Variants in ETNK1 observed in about 807,000 individuals in gnomAD.
ETNK1 encodes the protein ethanolamine kinase 1, also known as putative protein product of Nbla10396.
ETNK1 carries 8 observed loss-of-function variants against 45.1 expected under a neutral mutation model. The ratio of observed to expected loss-of-function variants is 0.18; its 90% CI spans 0.10 to 0.32. ETNK1 has a LOEUF of 0.32. Ranked by LOEUF, ETNK1 falls within the 10% of genes least tolerant of loss-of-function variation. The pLI, the probability that ETNK1 is intolerant of heterozygous loss-of-function variation, is 1.00. For synonymous variants in ETNK1, 152 were observed against 151.9 expected (o/e 1.00, Z -0.01); for missense variants, 302 against 430.6 (o/e 0.70, Z 2.64).
intron 2 of ETNK1, among the ~76,000 whole-genome samples, chr12:22,646,724 C>T (rs988320094): frequency 3.3e-5 from 5 of 151,772 alleles, no homozygotes; most frequent in Non-Finnish European, 5.9e-5. Flanking sequence ...TCAACCATAG[C>T]TGTATGCTTA....
chr12:22,674,349 A>G (rs1402705894), intron 6 of ETNK1, among the ~76,000 whole-genome samples: 1 of 152,202 alleles, frequency 6.6e-6, no homozygotes, highest in Non-Finnish European at 1.5e-5. Context: ...ATAATTTTGT[A>G]TAGTTGACAT....
chr12:22,685,195 A>C lies in ETNK1; in HGVS notation c.*241A>C, dbSNP rs1429365661. Reference sequence around the variant, plus strand: ...TGTTAAATCTGCAAAAGGTATAAAGATGTCAGTTTAATTTCTTTGATAATT... The same window carrying C: ...TGTTAAATCTGCAAAAGGTATAAAGCTGTCAGTTTAATTTCTTTGATAATT... On this transcript the variant is annotated 3_prime_UTR_variant, in exon 8 of 8. Transcript: ENST00000266517. 4 of 343,010 alleles carry C rather than the reference A, an allele frequency of 1.2e-5. No homozygotes were observed. The highest frequency in any genetic ancestry group is 8.9e-5 in the Admixed American group (2 of 22,548). The allele number at this position is 343,010 out of a possible 1,614,324, so 21.2% of individuals were successfully genotyped here.
intron 5 of ETNK1, among the ~76,000 whole-genome samples, chr12:22,672,851 G>A (rs552503589): frequency 8.5e-5 from 13 of 152,268 alleles, no homozygotes; most frequent in Middle Eastern, 3.4e-3. Flanking sequence ...TTCTAGGTTA[G>A]TATTTTCCAA....
At chr12:22,667,487 T>C (rs1954065133) in intron 4 of ETNK1, among the ~76,000 whole-genome samples, 2 of 152,146 alleles carry the variant, frequency 1.3e-5, no homozygotes, top group Admixed American at 1.3e-4. Context: ...GAACAGATAC[T>C]TACATTTAGA....
At chr12:22,671,135 G>T (rs898821639) in intron 4 of ETNK1, 137 bp from the exon 5 acceptor site, 1 of 710,998 alleles carries the variant, frequency 1.4e-6, no homozygotes, top group South Asian at 1.5e-5. Flanking sequence ...CCCTTACCCT[G>T]TATTGTCTCA....
In ETNK1 at chr12:22,652,708, TGTG is replaced by T. The variant is rs150746066; in HGVS notation, c.417-6304_417-6302del. 2.4e-3 allele frequency among the ~76,000 whole-genome samples: 365 copies of T among 152,312 alleles called. 12 individuals carry two copies. The East Asian group carries it at 0.061, about 25-fold the overall frequency. The stretch of plus-strand genomic sequence containing the variant: ...GGGGTTGTAATTTTTGTTGTTGAGT[TGTG>T]GGAGTTTGTTATATGTTCTGAATAT... On this transcript the variant is annotated intron_variant, in intron 2 of 7. Coordinates refer to ENST00000266517, the MANE Select transcript of ETNK1 (RefSeq NM_018638.5).
intron 6 of ETNK1, 45 bp from the exon 7 acceptor site, chr12:22,684,438 G>C: frequency 7.4e-7 from 1 of 1,355,768 alleles, no homozygotes; most frequent in Non-Finnish European, 1.0e-6. Flanking sequence ...GTTTTACAGA[G>C]AAATTCATTA....
chr12:22,685,478 A>G lies in ETNK1; in HGVS notation c.*524A>G, dbSNP rs548087781. 6.6e-6 allele frequency: 1 copy of G among 152,114 alleles called. No homozygotes were observed. The highest frequency in any genetic ancestry group is 1.9e-4 in the East Asian group (1 of 5,192). The allele number at this position is 152,114 out of a possible 1,614,324, so 9.4% of individuals were successfully genotyped here. On this transcript the variant is annotated 3_prime_UTR_variant, in exon 8 of 8. Transcript: ENST00000266517. The stretch of plus-strand genomic sequence containing the variant: ...CTGATGTAGATAATTTAGGATTTTC[A>G]TATAAAAATAGCTGTTTAGGAAGGT...
intron 1 of ETNK1, chr12:22,639,087 C>T (rs908658302): frequency 6.6e-6 from 1 of 152,064 alleles, no homozygotes; most frequent in Admixed American, 6.5e-5. Flanking sequence ...TTGTATGTTT[C>T]ATAAGCCTCT....
At chr12:22,633,065 A>G (rs1479889353) in intron 1 of ETNK1, among the ~76,000 whole-genome samples, 1 of 152,020 alleles carries the variant, frequency 6.6e-6, no homozygotes, top group Non-Finnish European at 1.5e-5. Flanking sequence ...TTTTTTGAAC[A>G]CGAATATCCA....
chr12:22,682,497 G>C (rs1221659601), intron 6 of ETNK1, among the ~76,000 whole-genome samples: 1 of 151,966 alleles, frequency 6.6e-6, no homozygotes, highest in Non-Finnish European at 1.5e-5. Context: ...CAGTTACCTA[G>C]GTGTTTTTCC....
intron 4 of ETNK1, among the ~76,000 whole-genome samples, chr12:22,667,722 A>G (rs1954067900): frequency 6.6e-6 from 1 of 152,202 alleles, no homozygotes; most frequent in South Asian, 2.1e-4. Context: ...TCAGGTTCTC[A>G]TATTGACTAT....
intron 1 of ETNK1, among the ~76,000 whole-genome samples, chr12:22,638,230 C>CT (rs1477308775): frequency 4.6e-5 from 7 of 150,886 alleles, no homozygotes. Context: ...TTTTTTCCCC[C>CT]TTTTTAACCT....
intron 6 of ETNK1, among the ~76,000 whole-genome samples, chr12:22,684,263 A>G (rs541895152): frequency 1.3e-5 from 2 of 152,130 alleles, no homozygotes; most frequent in African/African-American, 4.8e-5. Context: ...TCAAGTGATT[A>G]TAATTTACCA....
chr12:22,685,112 G>C lies in ETNK1; in HGVS notation c.*158G>C. Reference sequence around the variant, plus strand: ...AACAATCAAATCTATTTTTGAAATAGACTGAATGATGTCAAGAAATATACC... The same window carrying C: ...AACAATCAAATCTATTTTTGAAATACACTGAATGATGTCAAGAAATATACC... On this transcript the variant is annotated 3_prime_UTR_variant, in exon 8 of 8. Coordinates refer to ENST00000266517, the MANE Select transcript of ETNK1 (RefSeq NM_018638.5). The C allele has an allele frequency of 1.8e-6, 1 of 548,410 alleles. No individual in the cohort carries two copies. The highest frequency in any genetic ancestry group is 3.0e-5 in the East Asian group (1 of 33,280). 34.0% of individuals were successfully genotyped at this position (548,410 alleles called of 1,614,324 possible).
At chr12:22,629,017 A>G (rs533112294) in intron 1 of ETNK1, among the ~76,000 whole-genome samples, 17 of 152,208 alleles carry the variant, frequency 1.1e-4, no homozygotes, top group African/African-American at 3.9e-4. Context: ...TGGTCAAATC[A>G]TTAAACTTCC....
intron 2 of ETNK1, among the ~76,000 whole-genome samples, chr12:22,645,154 G>C (rs564671119): frequency 8.6e-5 from 13 of 151,870 alleles, no homozygotes; most frequent in African/African-American, 2.7e-4. Context: ...CTTTAGGCTT[G>C]CATGTATTTA....
chr12:22,669,889 T>A (rs1954090693), intron 4 of ETNK1, among the ~76,000 whole-genome samples: 1 of 152,116 alleles, frequency 6.6e-6, no homozygotes, highest in Non-Finnish European at 1.5e-5. Context: ...TTTTTAAATC[T>A]TATATTTATT....
intron 2 of ETNK1, among the ~76,000 whole-genome samples, chr12:22,651,761 G>A (rs1031069101): frequency 1.7e-4 from 25 of 146,152 alleles, no homozygotes; most frequent in Non-Finnish European, 7.4e-5. Flanking sequence ...CCAGGTTCAA[G>A]TGCAATCTCT....
Sources: gnomAD v4.1 joint callset for allele counts (sites outside exome capture counted in the v4.1 genomes callset) on GRCh38, gnomAD v4.1.1 for gene constraint, MANE v1.5 for transcripts, NCBI Gene and HGNC (gene_info 2026-07-23, HGNC 2026-07-21) for gene names.